The following WARS1 variants were observed in gnomAD, a reference collection of about 807,000 sequenced individuals.
The protein encoded by WARS1 is tryptophan--tRNA ligase, cytoplasmic.
Under a neutral mutation model 47.8 loss-of-function variants are expected in WARS1, and 17 were observed. That is an observed-to-expected ratio of 0.36 (90% CI 0.24 to 0.53). The LOEUF is 0.53. WARS1 is among the 20% of genes least tolerant of loss of function. The pLI, the probability that WARS1 is intolerant of heterozygous loss-of-function variation, is 0.91. For missense variants in WARS1, 434 were observed against 608.0 expected (o/e 0.71, Z 3.01); for synonymous variants, 208 against 228.1 (o/e 0.91, Z 0.79).
Position 100,369,250 on chromosome 14 carries a change from G to A in WARS1, c.-65C>T, listed in dbSNP as rs1035065628. 2.3e-5 allele frequency: 9 copies of A among 392,802 alleles called. No homozygotes were observed. The highest frequency in any genetic ancestry group is 3.9e-5 in the Non-Finnish European group (9 of 233,732). The allele number at this position is 392,802 out of a possible 1,614,324, so 24.3% of individuals were successfully genotyped here. On this transcript the variant is annotated 5_prime_UTR_variant, in exon 2 of 11. Transcript: ENST00000392882. ...AGGTCAGAGGATTTGTTCAGCAGAC[G>A]AGTCAAGACTGGGGTGGGGGCGGGG...
At chr14:100,374,765 G>A (rs1451952894) in intron 1 of WARS1, 1 of 152,094 alleles carries the variant, frequency 6.6e-6, no homozygotes, top group Non-Finnish European at 1.5e-5. Context: ...CCAGAGTGTA[G>A]GTGACAATAC....
At chr14:100,336,758 T>A (rs1202082627) in intron 10 of WARS1, 1 of 258,646 alleles carries the variant, frequency 3.9e-6, no homozygotes, top group Non-Finnish European at 7.5e-6. Context: ...CCCCTACTAA[T>A]TCTATACTCA....
intron 1 of WARS1, among the ~76,000 whole-genome samples, chr14:100,372,840 T>C (rs1276504538): frequency 2.0e-5 from 3 of 152,142 alleles, no homozygotes; most frequent in Non-Finnish European, 2.9e-5. Context: ...GCTCATGTGC[T>C]CTCTCAGAAT....
intron 6 of WARS1, among the ~76,000 whole-genome samples, chr14:100,347,047 G>A (rs1190946403): frequency 1.3e-5 from 2 of 152,236 alleles, no homozygotes; most frequent in Non-Finnish European, 2.9e-5. Flanking sequence ...GCAGACACAC[G>A]TTTACCTGTG....
Position 100,373,336 on chromosome 14 carries a change from G to A in WARS1, c.-74+1947C>T, listed in dbSNP as rs780091747. 6.6e-6 allele frequency among the ~76,000 whole-genome samples: 1 copy of A among 152,126 alleles called. No individual in the cohort carries two copies. The highest frequency in any genetic ancestry group is 1.5e-5 in the Non-Finnish European group (1 of 68,024). ...TTGAGCTTTCCCACATCTAAGGAGA[G>A]CCAGGCTGGTCTCTTGGGGTCTCCT... is the stretch of plus-strand genomic sequence containing the variant. On this transcript the variant is annotated intron_variant, in intron 1 of 10. Transcript: ENST00000392882. This position sits in a 1 kb window ranked among gnomAD's most constrained non-coding sequence, Gnocchi z 4.4.
chr14:100,368,808 A>G (rs145164713), intron 2 of WARS1, among the ~76,000 whole-genome samples: 45 of 152,254 alleles, frequency 3.0e-4, no homozygotes, highest in African/African-American at 9.9e-4. Flanking sequence ...CTAAAAATAC[A>G]AAATTAGCTG....
chr14:100,347,131 G>A (rs1359456006), intron 6 of WARS1, among the ~76,000 whole-genome samples: 2 of 152,232 alleles, frequency 1.3e-5, no homozygotes, highest in African/African-American at 2.4e-5. Flanking sequence ...AAGAACACAA[G>A]CAGATTCAGA....
intron 4 of WARS1, among the ~76,000 whole-genome samples, chr14:100,356,867 G>T (rs1348551349): frequency 6.6e-6 from 1 of 152,066 alleles, no homozygotes; most frequent in Non-Finnish European, 1.5e-5. Flanking sequence ...TATGAACACA[G>T]ATGTAAAAAT....
chr14:100,344,083 C>G (rs1184215041), intron 7 of WARS1, among the ~76,000 whole-genome samples: 1 of 137,606 alleles, frequency 7.3e-6, no homozygotes, highest in Non-Finnish European at 1.6e-5. Flanking sequence ...TCTTCCCTCT[C>G]CCCACGGTCT....
intron 9 of WARS1, 137 bp downstream of exon 9, chr14:100,342,261 C>T (rs761458638): frequency 1.9e-4 from 234 of 1,250,206 alleles, no homozygotes; most frequent in Middle Eastern, 5.6e-4. Context: ...GCAAAGTTGG[C>T]AATCCTGGAG....
chr14:100,346,698 T>G (rs1357863664), intron 7 of WARS1, 48 bp downstream of exon 7: 2 of 1,465,350 alleles, frequency 1.4e-6, no homozygotes, highest in East Asian at 2.3e-5. Flanking sequence ...ACTCTGCTCC[T>G]TTTTGAAGGG....
rs936117878 is a variant in WARS1, at chr14:100,373,596, A to G, written c.-74+1687T>C. ...TAGAATGCCTGAGTGATCCCAGGAC[A>G]GCCAATCTCCCACTGCAATAGAATA... On this transcript the variant is annotated intron_variant, in intron 1 of 10. Coordinates refer to ENST00000392882, the MANE Select transcript of WARS1 (RefSeq NM_004184.4). This position sits in a 1 kb window ranked among gnomAD's most constrained non-coding sequence, Gnocchi z 4.4. Among the ~76,000 whole-genome samples the G allele has an allele frequency of 5.9e-5, 9 of 152,234 alleles. No homozygotes were observed. Among genetic ancestry groups the G allele is most frequent in the Non-Finnish European group, 1.2e-4 (8 of 68,032 alleles).
At chr14:100,336,874 G>C in intron 10 of WARS1, 188 bp downstream of exon 10, 5 of 667,620 alleles carry the variant, frequency 7.5e-6, no homozygotes, top group East Asian at 2.7e-5. Flanking sequence ...CTGCTCTTTC[G>C]AGATTTGTTC....
chr14:100,335,059 G>C (rs1036030640), intron 10 of WARS1, 23 bp from the exon 11 acceptor site: 2 of 1,608,934 alleles, frequency 1.2e-6, no homozygotes, highest in Non-Finnish European at 1.7e-6. Flanking sequence ...AGACAGCCAC[G>C]TGAGAGATGG....
intron 6 of WARS1, among the ~76,000 whole-genome samples, chr14:100,347,995 G>A (rs1595426374): frequency 6.6e-6 from 1 of 152,208 alleles, no homozygotes; most frequent in Non-Finnish European, 1.5e-5. Context: ...TTAAGTGTTT[G>A]CACCATGTGG....
At chr14:100,351,041 G>A (rs767605436) in intron 6 of WARS1, among the ~76,000 whole-genome samples, 5 of 152,198 alleles carry the variant, frequency 3.3e-5, no homozygotes, top group South Asian at 4.1e-4. Flanking sequence ...TAGCAGTGAC[G>A]CTGGAGAGGA....
rs146620817 is a variant in WARS1, at chr14:100,348,964, T to C, written c.726-2118A>G. Among the ~76,000 whole-genome samples the C allele has an allele frequency of 4.4e-3, 676 of 152,204 alleles. 5 individuals are homozygous for C. The highest frequency in any genetic ancestry group is 0.016 in the African/African-American group (661 of 41,524). ...TGATCCTCCCCTCAAGGGACGGCTG[T>C]CCCCCTGCACAGCTGGGACGGACCC... On this transcript the variant is annotated intron_variant, in intron 6 of 10. Transcript: ENST00000392882.
At chr14:100,375,599 C>T (rs1347237060), upstream of WARS1, 1 of 152,310 alleles carries the variant, frequency 6.6e-6, no homozygotes, top group Non-Finnish European at 1.5e-5. Flanking sequence ...GAGCCATTAG[C>T]TGGTCATTGC....
Position 100,342,470 on chromosome 14 carries a change from C to G in WARS1, c.1041G>C (p.Gln347His). 6.2e-7 allele frequency: 1 copy of G among 1,614,058 alleles called. No homozygotes were observed. Among genetic ancestry groups the G allele is most frequent in the South Asian group, 1.1e-5 (1 of 91,058 alleles). Residue 347 changes from glutamine to histidine, a missense_variant, in exon 9 of 11, where the codon CAG becomes CAC. By Grantham distance (24) the Gln-to-His change is conservative. Around this residue, in one of 2 missense-constraint regions of WARS1, gnomAD observed 347 missense variants for 523.8 expected, o/e 0.66. Transcript: ENST00000392882. ...STFFPALQGAQTKMSASDPNS... is the reference protein window; with the variant it reads ...STFFPALQGAHTKMSASDPNS... ...TGGGGTCGCTGGCACTCATTTTGGT[C>G]TGGGCGCCCTGCAGGGCTGGGAAGA...
Sources: gnomAD v4.1 joint callset for allele counts (sites outside exome capture counted in the v4.1 genomes callset) on GRCh38, gnomAD v4.1.1 for gene constraint, gnomAD v4.1.1 regional missense constraint, Gnocchi (gnomAD v3.1) non-coding constraint, MANE v1.5 for transcripts, NCBI Gene and HGNC (gene_info 2026-07-23, HGNC 2026-07-21) for gene names.